Variants in CGREF1 observed in about 807,000 individuals in gnomAD.
CGREF1 encodes the protein cell growth regulator with EF-hand domain 1.
Under a neutral mutation model 17.4 loss-of-function variants are expected in CGREF1, and 16 were observed. The observed-to-expected ratio is 0.92, with a 90% confidence interval of 0.62 to 1.40. The LOEUF (loss-of-function observed/expected upper bound fraction) is 1.40, where lower values mean the gene tolerates loss of function less well. Ranked by LOEUF, CGREF1 falls within the 40% of genes most tolerant of loss-of-function variation. CGREF1 has a pLI of 0.00. For missense variants in CGREF1, 296 were observed against 376.4 expected (o/e 0.79, Z 1.77); for synonymous variants, 142 against 154.6 (o/e 0.92, Z 0.61).
At chr2:27,108,875 A>C (rs1388022956) in intron 1 of CGREF1, among the ~76,000 whole-genome samples, 1 of 151,988 alleles carries the variant, frequency 6.6e-6, no homozygotes, top group Admixed American at 6.6e-5. Context: ...AACTCCTGGC[A>C]TGATCATAGC....
At chr2:27,116,874 T>TCCCTCTCTCTCTCTCTCTCC (rs1671590766) in intron 1 of CGREF1, among the ~76,000 whole-genome samples, 2 of 21,474 alleles carry the variant, frequency 9.3e-5, no homozygotes, top group Non-Finnish European at 1.8e-4. Flanking sequence ...AGGCCTATTC[T>TCCCTCTCTCTCTCTCTCTCC]CTCTCTCTCT....
chr2:27,114,725 C>T (rs1335929563), intron 1 of CGREF1, among the ~76,000 whole-genome samples: 1 of 152,110 alleles, frequency 6.6e-6, no homozygotes, highest in African/African-American at 2.4e-5. Context: ...GAAACAGATG[C>T]CTGAGAAGCC....
chr2:27,110,826 C>T (rs1420688619), intron 1 of CGREF1: 1 of 152,614 alleles, frequency 6.6e-6, no homozygotes. Flanking sequence ...GAAGTTTCTT[C>T]CTTCTGGTGG....
At position 27,101,372 on chromosome 2, in the gene CGREF1, C is replaced by T. The variant is rs530537249; in HGVS notation, c.859G>A (p.Glu287Lys). 2.0e-5 allele frequency: 33 copies of T among 1,613,634 alleles called. No homozygotes were observed. In the East Asian group the frequency reaches 6.9e-4, roughly 34 times the overall value. Residue 287 changes from glutamate (E) to lysine (K), a missense_variant, in exon 6 of 6, where the codon GAG (glutamate) becomes AAG (lysine). Glu to Lys is a moderately conservative substitution (Grantham distance 56). Around this residue, in one of 3 missense-constraint regions of CGREF1, gnomAD observed 40 missense variants for 40.8 expected, o/e 0.98. Coordinates refer to ENST00000402394, the MANE Select transcript of CGREF1 (RefSeq NM_006569.6). ...TCCCCTGGAAGTTCCTTGGCCTCCT[C>T]TCCATTCTCCCTGGCCTCTGCCTGG... ...GGQAEARENG[E>K]EAKELPGETL...
rs1012086065 is a variant in CGREF1 at position 27,101,036 on chromosome 2, G to A, written c.*238C>T. The A allele has an allele frequency of 2.3e-5, 30 of 1,313,702 alleles. No individual in the cohort carries two copies. Among genetic ancestry groups the A allele is most frequent in the Non-Finnish European group, 2.9e-5 (30 of 1,037,478 alleles). The allele number at this position is 1,313,702 out of a possible 1,614,324, so 81.4% of individuals were successfully genotyped here. ...GGTCCCCAACCCCGTTCCTCTGAGAGGGTCTGGGCAGGCTGGACGGGTAGA... is the reference window on the plus strand; with the variant it reads ...GGTCCCCAACCCCGTTCCTCTGAGAAGGTCTGGGCAGGCTGGACGGGTAGA... On this transcript the variant is annotated 3_prime_UTR_variant, in exon 6 of 6. Transcript: ENST00000402394.
chr2:27,119,036 C>T lies in CGREF1; in HGVS notation c.-202G>A, dbSNP rs1671696409. The T allele has an allele frequency of 6.6e-6, 1 of 152,454 alleles. No individual in the cohort carries two copies. The highest frequency in any genetic ancestry group is 6.6e-5 in the Admixed American group (1 of 15,214). The allele number at this position is 152,454 out of a possible 1,614,324, so 9.4% of individuals were successfully genotyped here. ...GAGCCAGTGCCAGCCGCCGCCCCGCCCGCCGGACCTGGCCCTTCGCAGCTC... is the reference window on the plus strand; with the variant it reads ...GAGCCAGTGCCAGCCGCCGCCCCGCTCGCCGGACCTGGCCCTTCGCAGCTC... On this transcript the variant is annotated 5_prime_UTR_variant, in exon 1 of 6. Coordinates refer to ENST00000402394, the MANE Select transcript of CGREF1 (RefSeq NM_006569.6). The surrounding 1 kb of genome is among the most constrained non-coding windows in gnomAD (Gnocchi z 5.6).
intron 1 of CGREF1, among the ~76,000 whole-genome samples, chr2:27,116,191 G>A (rs1181827707): frequency 6.9e-6 from 1 of 144,684 alleles, no homozygotes; most frequent in African/African-American, 2.6e-5. Flanking sequence ...TTACACCACT[G>A]CACTCCAGCC....
chr2:27,101,489 C>A lies in CGREF1; in HGVS notation c.742G>T (p.Ala248Ser). 1 of 1,603,340 alleles carries A rather than the reference C, an allele frequency of 6.2e-7. No homozygotes were observed. The highest frequency in any genetic ancestry group is 1.1e-5 in the South Asian group (1 of 90,510). ...PRGEAGGQAE[A>S]EGDAPGPRGE... ...CTGGGCCCGGGGGCATCTCCTTCAG[C>A]CTCTGCCTGGCCCCCAGCTTCCCCT... The change falls in exon 6 of 6, where the codon GCT (alanine) becomes TCT (serine). Residue 248 changes from alanine to serine, a missense_variant. Coordinates refer to ENST00000402394, the MANE Select transcript of CGREF1 (RefSeq NM_006569.6).
chr2:27,117,705 A>ATTTTT (rs35908937), intron 1 of CGREF1, among the ~76,000 whole-genome samples: 304 of 123,104 alleles, frequency 2.5e-3, no homozygotes, highest in Non-Finnish European at 3.6e-3. Context: ...TGGGATCTGA[A>ATTTTT]TTTTTTTTTT....
At chr2:27,102,008 G>T in intron 5 of CGREF1, 89 bp downstream of exon 5, 1 of 1,558,004 alleles carries the variant, frequency 6.4e-7, no homozygotes, top group East Asian at 2.3e-5. Flanking sequence ...TTTTACAGAG[G>T]ACTCACCAAA....
At chr2:27,099,642 C>T (rs770159249), downstream of CGREF1, 2 of 1,614,142 alleles carry the variant, frequency 1.2e-6, no homozygotes, top group Non-Finnish European at 1.7e-6. Flanking sequence ...CCTGGCTGAC[C>T]TAGCTACTTG....
chr2:27,099,876 TCTGC>T, downstream of CGREF1: 1 of 1,547,488 alleles, frequency 6.5e-7, no homozygotes, highest in Non-Finnish European at 8.7e-7. Flanking sequence ...TGGGGAGGAC[TCTGC>T]CTGTGTCCTG....
chr2:27,099,362 G>A, downstream of CGREF1: 3 of 1,612,630 alleles, frequency 1.9e-6, no homozygotes, highest in African/African-American at 1.3e-5. Context: ...CTGGAGCTGG[G>A]AGGATGGCTG....
intron 1 of CGREF1, chr2:27,104,806 C>G: frequency 6.9e-7 from 1 of 1,455,100 alleles, no homozygotes; most frequent in Non-Finnish European, 9.1e-7. Context: ...ACAAAAAGAC[C>G]AAGACTTAAA....
intron 2 of CGREF1, chr2:27,102,893 G>C: frequency 1.0e-6 from 1 of 982,472 alleles, no homozygotes; most frequent in Non-Finnish European, 1.2e-6. Flanking sequence ...AGAGATCCAA[G>C]AAAACAGCCC....
In CGREF1 at chr2:27,101,019, A is replaced by G. The variant is rs1670790844; in HGVS notation, c.*255T>C. 3 of 1,290,402 alleles carry G rather than the reference A, an allele frequency of 2.3e-6. No individual in the cohort carries two copies. Among genetic ancestry groups the G allele is most frequent in the Non-Finnish European group, 2.9e-6 (3 of 1,022,802 alleles). 79.9% of individuals were successfully genotyped at this position (1,290,402 alleles called of 1,614,324 possible). ...GGCATCCCTGTCCTTTCGGTCCCCA[A>G]CCCCGTTCCTCTGAGAGGGTCTGGG... On this transcript the variant is annotated 3_prime_UTR_variant, in exon 6 of 6. Coordinates refer to ENST00000402394, the MANE Select transcript of CGREF1 (RefSeq NM_006569.6).
chr2:27,104,676 C>T, intron 1 of CGREF1: 1 of 1,550,524 alleles, frequency 6.4e-7, no homozygotes, highest in Admixed American at 2.0e-5. Flanking sequence ...CCACTAGGTG[C>T]CAAGGTGCCC....
In CGREF1 at chr2:27,104,503, C is replaced by T. The variant is rs1055716433; in HGVS notation, c.-11-126G>A. ...ACCTGCAGCCCCAAAGACAGGACTCCTGCTCAGGGAGGACTCACAGACAGA... is the reference window on the plus strand; with the variant it reads ...ACCTGCAGCCCCAAAGACAGGACTCTTGCTCAGGGAGGACTCACAGACAGA... On this transcript the variant is annotated intron_variant, in intron 1 of 5. Coordinates refer to ENST00000402394, the MANE Select transcript of CGREF1 (RefSeq NM_006569.6). 6 of 1,551,536 alleles carry T rather than the reference C, an allele frequency of 3.9e-6. No homozygotes were observed. The South Asian group carries it at 7.1e-5, about 18-fold the overall frequency.
chr2:27,106,537 A>G (rs1327670839), intron 1 of CGREF1, among the ~76,000 whole-genome samples: 1 of 152,178 alleles, frequency 6.6e-6, no homozygotes, highest in Admixed American at 6.5e-5. Flanking sequence ...GCCTTTCTTG[A>G]TTTTGGTGCT....
Sources: allele counts gnomAD v4.1 joint callset (sites outside exome capture counted in the v4.1 genomes callset), GRCh38; gene constraint gnomAD v4.1.1; regional missense constraint gnomAD v4.1.1; non-coding constraint Gnocchi (gnomAD v3.1); transcripts MANE v1.5; gene names NCBI Gene and HGNC (gene_info 2026-07-23, HGNC 2026-07-21).